The following GLRA1 variants were observed in gnomAD, a reference collection of about 807,000 sequenced individuals.
The protein encoded by GLRA1 is glycine receptor alpha 1, also known as glycine receptor subunit alpha-1.
In GLRA1, 37 loss-of-function variants were observed where a neutral mutation model predicts 48.3. The observed-to-expected ratio is 0.77, with a 90% CI of 0.59 to 1.01. GLRA1 has a LOEUF of 1.01. Ranked by LOEUF, GLRA1 falls within the 50% of genes least tolerant of loss-of-function variation. The probability of loss-of-function intolerance (pLI) is 0.00; values close to 1 mark genes in which losing one functional copy is unlikely to be tolerated. For synonymous variants in GLRA1, 196 were observed against 210.7 expected (o/e 0.93, Z 0.60); for missense variants, 427 against 571.0 (o/e 0.75, Z 2.57).
At chr5:151,908,788 T>C in intron 1 of GLRA1, among the ~76,000 whole-genome samples, 1 of 152,194 alleles carries the variant, frequency 6.6e-6, no homozygotes, top group East Asian at 1.9e-4. Context: ...GGAAGTGTGT[T>C]GTCAAGTTCT....
At chr5:151,900,220 A>G (rs532766707) in intron 1 of GLRA1, among the ~76,000 whole-genome samples, 1 of 152,124 alleles carries the variant, frequency 6.6e-6, no homozygotes, top group East Asian at 1.9e-4. Flanking sequence ...ATAAATGCCA[A>G]CCCTGCACTT....
At position 151,822,693 on chromosome 5, in the gene GLRA1, CTCTACGGACAATCT is replaced by C. The variant is rs756764912; in HGVS notation, c.1316_1329del (p.Lys439ArgfsTer52). The C allele has an allele frequency of 6.2e-7, 1 of 1,613,436 alleles. No individual in the cohort carries two copies. Among genetic ancestry groups the C allele is most frequent in the Non-Finnish European group, 8.5e-7 (1 of 1,179,406 alleles). On this transcript the variant is annotated frameshift_variant, in exon 9 of 9. Coordinates refer to ENST00000274576, the MANE Select transcript of GLRA1 (RefSeq NM_000171.4). LOFTEE classifies it high-confidence loss of function. ...ACCCTTCACTGGTTGTGGACGTCCT[CTCTACGGACAATCT>C]TGTAGATGATCCAGTAGAACATGTT...
At chr5:151,920,614 G>C (rs1754852691) in intron 1 of GLRA1, among the ~76,000 whole-genome samples, 1 of 152,010 alleles carries the variant, frequency 6.6e-6, no homozygotes, top group Non-Finnish European at 1.5e-5. Context: ...CAAAAAGGGA[G>C]TAGACTCTCT....
intron 1 of GLRA1, among the ~76,000 whole-genome samples, chr5:151,906,384 G>A (rs760420371): frequency 2.6e-4 from 40 of 152,326 alleles, no homozygotes; most frequent in Middle Eastern, 3.4e-3. Context: ...GGAAATACCG[G>A]ATGTGGGCTG....
Position 151,859,801 on chromosome 5 carries a change from C to T in GLRA1, c.460G>A (p.Val154Ile), listed in dbSNP as rs1236460317. 1.2e-6 allele frequency: 2 copies of T among 1,612,066 alleles called. No individual in the cohort carries two copies. Among genetic ancestry groups the T allele is most frequent in the Admixed American group, 3.3e-5 (2 of 60,018 alleles). ...KLLRISRNGN[V>I]LYSIRITLTL... ...AGAACTCACCTGATGCTGTAGAGGA[C>T]ATTCCCATTCCGGGAGATCCTTAGC... is the stretch of plus-strand genomic sequence containing the variant. Residue 154 changes from valine (V) to isoleucine (I), a missense_variant, in exon 4 of 9, where the codon GTC becomes ATC. Physicochemically the swap from Val to Ile is conservative, Grantham distance 29. Around this residue, in one of 4 missense-constraint regions of GLRA1, gnomAD observed 271 missense variants for 434.9 expected, o/e 0.62. Transcript: ENST00000274576.
chr5:151,907,154 A>G (rs1013972240), intron 1 of GLRA1, among the ~76,000 whole-genome samples: 6 of 151,474 alleles, frequency 4.0e-5, no homozygotes, highest in Non-Finnish European at 7.4e-5. Context: ...TTCTTCATCT[A>G]TAAACTAAGA....
rs370809444 is a variant in GLRA1 at position 151,855,152 on chromosome 5, G to A, written c.585C>T (p.Ile195=). ...CGGCTCCCTGTTCCTGCCACTCAAA[G>A]ATGAGGTCATTCATCGTATATCCAA... ...ESFGYTMNDL[I]FEWQEQGAVQ... The change falls in exon 6 of 9, where the codon ATC becomes ATT. Residue 195 remains isoleucine (I), a synonymous_variant. Transcript: ENST00000274576. The A allele has an allele frequency of 8.1e-6, 13 of 1,614,020 alleles. No individual in the cohort carries two copies. Among genetic ancestry groups the A allele is most frequent in the Non-Finnish European group, 1.1e-5 (13 of 1,179,886 alleles).
chr5:151,913,101 A>G (rs1754657228), intron 1 of GLRA1, among the ~76,000 whole-genome samples: 1 of 152,192 alleles, frequency 6.6e-6, no homozygotes, highest in African/African-American at 2.4e-5. Flanking sequence ...CATCTCAGAG[A>G]GAAGGAGAGG....
At chr5:151,832,288 A>G (rs1438539314) in intron 7 of GLRA1, among the ~76,000 whole-genome samples, 1 of 152,234 alleles carries the variant, frequency 6.6e-6, no homozygotes, top group Non-Finnish European at 1.5e-5. Flanking sequence ...ACAAAACTGG[A>G]CAGAGAATGA....
At chr5:151,866,001 T>G (rs1034916166) in intron 3 of GLRA1, among the ~76,000 whole-genome samples, 1 of 152,200 alleles carries the variant, frequency 6.6e-6, no homozygotes. Context: ...TGCTGGTTGG[T>G]GTTCGACATG....
intron 7 of GLRA1, among the ~76,000 whole-genome samples, chr5:151,836,997 A>C (rs375443482): frequency 1.3e-5 from 2 of 152,000 alleles, no homozygotes; most frequent in Non-Finnish European, 2.9e-5. Flanking sequence ...ACAACAACAA[A>C]AAACCAAAAA....
chr5:151,833,460 T>C (rs928230714), intron 7 of GLRA1, among the ~76,000 whole-genome samples: 1 of 151,450 alleles, frequency 6.6e-6, no homozygotes, highest in South Asian at 2.1e-4. Context: ...GGGATATATA[T>C]ATATATATTT....
At chr5:151,848,866 G>T (rs555093005) in intron 7 of GLRA1, 42 of 609,798 alleles carry the variant, frequency 6.9e-5, no homozygotes, top group South Asian at 5.3e-4. Context: ...CCTGCTCAGC[G>T]CCCAGAACAC....
At chr5:151,839,724 AG>A (rs1763667004) in intron 7 of GLRA1, among the ~76,000 whole-genome samples, 1 of 152,146 alleles carries the variant, frequency 6.6e-6, no homozygotes, top group Non-Finnish European at 1.5e-5. Context: ...TTAATTCAAT[AG>A]GATTTAGGGA....
chr5:151,885,442 AG>A (rs552717278), intron 3 of GLRA1, among the ~76,000 whole-genome samples: 5 of 152,242 alleles, frequency 3.3e-5, no homozygotes, highest in Non-Finnish European at 7.3e-5. Context: ...AATGGACAGA[AG>A]GGACCCATCC....
intron 6 of GLRA1, 75 bp from the exon 7 acceptor site, chr5:151,851,679 G>C (rs1752917931): frequency 2.1e-6 from 2 of 960,166 alleles, no homozygotes; most frequent in Admixed American, 1.8e-5. Flanking sequence ...GAACAACCTC[G>C]GCTAGAGTCC....
chr5:151,850,378 T>C, intron 7 of GLRA1: 3 of 1,328,334 alleles, frequency 2.3e-6, no homozygotes, highest in Non-Finnish European at 3.3e-6. Context: ...TTTGGAGTGA[T>C]AGCAACCTTT....
In GLRA1 at chr5:151,856,481, G is replaced by A. The variant is rs1753047002; in HGVS notation, c.477-98C>T. ...GTTAGAAAATCAGTTGCCCAGGATA[G>A]GGAAAGAAGGTCAGGGAACTTGTGT... On this transcript the variant is annotated intron_variant, in intron 4 of 8. Transcript: ENST00000274576. 4 of 770,202 alleles carry A rather than the reference G, an allele frequency of 5.2e-6. No individual in the cohort carries two copies. The East Asian group carries it at 1.0e-4, about 20-fold the overall frequency. The allele number at this position is 770,202 out of a possible 1,614,324, so 47.7% of individuals were successfully genotyped here.
chr5:151,886,849 A>C lies in GLRA1; in HGVS notation c.185-61T>G, dbSNP rs535633465. On this transcript the variant is annotated intron_variant, in intron 2 of 8. Coordinates refer to ENST00000274576, the MANE Select transcript of GLRA1 (RefSeq NM_000171.4). ...GCCATGGAAGAACCCACAGGGTAGG[A>C]CTCATTCCCAGAACACTGACTTCTG... 3.3e-6 allele frequency: 4 copies of C among 1,200,332 alleles called. No individual in the cohort carries two copies. The Admixed American group carries it at 6.7e-5, about 20-fold the overall frequency. The allele number at this position is 1,200,332 out of a possible 1,614,324, so 74.4% of individuals were successfully genotyped here. A position where few individuals can be genotyped will look rare whatever the true frequency, so the allele number is the denominator to read the frequency against.
Sources: allele counts gnomAD v4.1 joint callset (sites outside exome capture counted in the v4.1 genomes callset), GRCh38; gene constraint gnomAD v4.1.1; regional missense constraint gnomAD v4.1.1; transcripts MANE v1.5; gene names NCBI Gene and HGNC (gene_info 2026-07-23, HGNC 2026-07-21).